The following CACNB2 variants were observed in gnomAD, a reference collection of about 807,000 sequenced individuals.
CACNB2 encodes calcium voltage-gated channel auxiliary subunit beta 2.
In CACNB2, 42 loss-of-function variants were observed where a neutral mutation model predicts 73.3. The ratio of observed to expected loss-of-function variants is 0.57; its 90% CI spans 0.45 to 0.74. The LOEUF is 0.74. Among genes scored for constraint, CACNB2 ranks in the 30% least tolerant of loss-of-function variants. CACNB2 has a pLI of 0.00. For synonymous variants in CACNB2, 348 were observed against 310.3 expected, an observed-to-expected ratio of 1.12 and a Z score of -1.28; for missense variants, 940 against 853.0, an observed-to-expected ratio of 1.10 and a Z score of -1.27.
intron 2 of CACNB2, among the ~76,000 whole-genome samples, chr10:18,348,494 C>T (rs998785662): frequency 1.3e-5 from 2 of 151,804 alleles, no homozygotes; most frequent in Non-Finnish European, 2.9e-5. Flanking sequence ...GACAGACAGA[C>T]AGATAGATGG....
intron 2 of CACNB2, among the ~76,000 whole-genome samples, chr10:18,225,848 C>A (rs1041114910): frequency 5.9e-5 from 9 of 152,066 alleles, no homozygotes; most frequent in Non-Finnish European, 4.4e-5. Flanking sequence ...CTATGTTGCT[C>A]AGGCTGGTCT....
intron 3 of CACNB2, among the ~76,000 whole-genome samples, chr10:18,425,626 C>G (rs1162821901): frequency 6.6e-6 from 1 of 152,102 alleles, no homozygotes; most frequent in Non-Finnish European, 1.5e-5. Context: ...CGACATTGGA[C>G]CACTGCACTC....
At chr10:18,307,794 A>G (rs1256622154) in intron 2 of CACNB2, among the ~76,000 whole-genome samples, 1 of 152,146 alleles carries the variant, frequency 6.6e-6, no homozygotes, top group African/African-American at 2.4e-5. Context: ...TAAAAATAGA[A>G]AAACATAAAA....
chr10:18,265,595 G>A (rs894604813), intron 2 of CACNB2, among the ~76,000 whole-genome samples: 1 of 152,174 alleles, frequency 6.6e-6, no homozygotes, highest in African/African-American at 2.4e-5. Flanking sequence ...TACTGACAGA[G>A]ATATATACAA....
intron 12 of CACNB2, 57 bp from the exon 13 acceptor site, chr10:18,538,123 G>C: frequency 6.4e-7 from 1 of 1,555,846 alleles, no homozygotes; most frequent in Non-Finnish European, 8.9e-7. Flanking sequence ...TATGGAGGTG[G>C]GAAGGGGGTG....
intron 2 of CACNB2, among the ~76,000 whole-genome samples, chr10:18,397,182 G>C (rs1175165635): frequency 6.6e-6 from 1 of 152,096 alleles, no homozygotes; most frequent in Non-Finnish European, 1.5e-5. Context: ...AAAGAAAAAG[G>C]GTGGCCAGGT....
chr10:18,500,584 A>G (rs1311775704), intron 4 of CACNB2, among the ~76,000 whole-genome samples: 1 of 152,190 alleles, frequency 6.6e-6, no homozygotes, highest in Non-Finnish European at 1.5e-5. Flanking sequence ...GCCTGGTCCT[A>G]CGGCAGCACC....
intron 2 of CACNB2, among the ~76,000 whole-genome samples, chr10:18,317,065 T>G (rs1387737522): frequency 6.6e-6 from 1 of 152,080 alleles, no homozygotes; most frequent in African/African-American, 2.4e-5. Flanking sequence ...TTACCTCCCA[T>G]GCACTCATAA....
Position 18,481,936 on chromosome 10 carries a change from C to G in CACNB2, c.334-16419C>G, listed in dbSNP as rs181736461. 3.3e-4 allele frequency among the ~76,000 whole-genome samples: 51 copies of G among 152,278 alleles called. No individual in the cohort carries two copies. In the East Asian group the frequency reaches 8.5e-3, roughly 25 times the overall value. ...CTGTTGTGTTGCCCAGGCTGGAGGG[C>G]TGGAGTGCAATGGCGCGATCTCGGC... is the stretch of plus-strand genomic sequence containing the variant. On this transcript the variant is annotated intron_variant, in intron 3 of 13. Coordinates refer to ENST00000324631, the MANE Select transcript of CACNB2 (RefSeq NM_201596.3).
At chr10:18,453,018 T>A (rs2047088378) in intron 3 of CACNB2, among the ~76,000 whole-genome samples, 1 of 152,160 alleles carries the variant, frequency 6.6e-6, no homozygotes, top group East Asian at 1.9e-4. Flanking sequence ...GCCGAAAGCA[T>A]CCTCGATTCC....
At chr10:18,149,404 C>A (rs1326926443) in intron 1 of CACNB2, among the ~76,000 whole-genome samples, 1 of 152,164 alleles carries the variant, frequency 6.6e-6, no homozygotes, top group Non-Finnish European at 1.5e-5. Context: ...ACCAGCGTAG[C>A]TTTCTTGCCG....
At chr10:18,328,803 G>A (rs2040684101) in intron 2 of CACNB2, among the ~76,000 whole-genome samples, 1 of 152,156 alleles carries the variant, frequency 6.6e-6, no homozygotes, top group Non-Finnish European at 1.5e-5. Flanking sequence ...TGAACCAAAC[G>A]TAACCCTAGG....
chr10:18,192,882 C>T (rs750336517), intron 2 of CACNB2, among the ~76,000 whole-genome samples: 1 of 152,108 alleles, frequency 6.6e-6, no homozygotes, highest in African/African-American at 2.4e-5. Context: ...CACAAATTAT[C>T]CATTCATCCA....
chr10:18,368,847 T>C (rs2042460784), intron 2 of CACNB2, among the ~76,000 whole-genome samples: 1 of 152,090 alleles, frequency 6.6e-6, no homozygotes, highest in South Asian at 2.1e-4. Context: ...AGAAAAAATA[T>C]TTAAAGTATG....
At chr10:18,409,765 G>T (rs931196397) in intron 3 of CACNB2, among the ~76,000 whole-genome samples, 6 of 152,132 alleles carry the variant, frequency 3.9e-5, no homozygotes, top group African/African-American at 1.2e-4. Flanking sequence ...CCCCAGAGAG[G>T]ACTCCCCCAG....
chr10:18,140,715 G>A lies in CACNB2; in HGVS notation c.-22G>A. The A allele has an allele frequency of 1.3e-6, 2 of 1,582,638 alleles. No individual in the cohort carries two copies. Among genetic ancestry groups the A allele is most frequent in the Non-Finnish European group, 1.7e-6 (2 of 1,165,566 alleles). On this transcript the variant is annotated 5_prime_UTR_variant, in exon 1 of 14. Coordinates refer to ENST00000324631, the MANE Select transcript of CACNB2 (RefSeq NM_201596.3). ...CCCGCCGCCGGGGGCTGGCTGCTTC[G>A]CTCCGAGCCGACTTTTCGCCAATGG...
At chr10:18,148,505 GCAGAGAACAGCCACCTCC>G in intron 1 of CACNB2, among the ~76,000 whole-genome samples, 1 of 152,276 alleles carries the variant, frequency 6.6e-6, no homozygotes, top group Non-Finnish European at 1.5e-5. Flanking sequence ...TCAACTTCTT[GCAGAGAACAGCCACCTCC>G]TCTGTGACTG....
chr10:18,227,578 G>A (rs1294943321), intron 2 of CACNB2, among the ~76,000 whole-genome samples: 1 of 152,182 alleles, frequency 6.6e-6, no homozygotes, highest in Non-Finnish European at 1.5e-5. Context: ...CAGTTTGTTG[G>A]AACTGGGTGA....
intron 2 of CACNB2, among the ~76,000 whole-genome samples, chr10:18,285,932 T>C (rs1006561820): frequency 6.6e-6 from 1 of 152,230 alleles, no homozygotes; most frequent in Non-Finnish European, 1.5e-5. Context: ...CGGAAGTCTT[T>C]TATTATTAAG....
Sources: allele counts gnomAD v4.1 joint callset (sites outside exome capture counted in the v4.1 genomes callset), GRCh38; gene constraint gnomAD v4.1.1; transcripts MANE v1.5; gene names NCBI Gene and HGNC (gene_info 2026-07-23, HGNC 2026-07-21).